The following PLA2G7 variants were observed in gnomAD, a reference collection of about 807,000 sequenced individuals.
The protein encoded by PLA2G7 is phospholipase A2 group VII.
A neutral mutation model predicts 49.6 loss-of-function variants in PLA2G7; 63 were observed. That is an observed-to-expected ratio of 1.27 (90% confidence interval 1.04 to 1.57). The LOEUF (loss-of-function observed/expected upper bound fraction) is 1.57. Ranked by LOEUF, PLA2G7 falls within the 40% of genes most tolerant of loss-of-function variation. The probability of loss-of-function intolerance (pLI) is 0.00; values close to 1 mark genes in which losing one functional copy is unlikely to be tolerated. For synonymous variants in PLA2G7, 193 were observed against 169.9 expected (o/e 1.14, Z -1.06); for missense variants, 596 against 521.2 (o/e 1.14, Z -1.40).
At chr6:46,716,163 C>T (rs1053451994) in intron 4 of PLA2G7, among the ~76,000 whole-genome samples, 1 of 152,218 alleles carries the variant, frequency 6.6e-6, no homozygotes, top group East Asian at 1.9e-4. Context: ...CAGAGTCAGT[C>T]TGATACTCTC....
chr6:46,729,868 C>T (rs1765684494), intron 1 of PLA2G7, among the ~76,000 whole-genome samples: 1 of 152,226 alleles, frequency 6.6e-6, no homozygotes, highest in African/African-American at 2.4e-5. Context: ...AGCTGAAAAC[C>T]ATTGCTCTCA....
rs368946627 is a variant in PLA2G7, at chr6:46,704,441, TTCTCTCTCTCTC to T, written c.*107_*118del. 7.0e-3 allele frequency: 3,841 copies of T among 550,572 alleles called. 14 individuals are homozygous for T. Among genetic ancestry groups the T allele is most frequent in the South Asian group, 0.011 (630 of 58,468 alleles). 34.1% of individuals were successfully genotyped at this position (550,572 alleles called of 1,614,324 possible). On this transcript the variant is annotated 3_prime_UTR_variant, in exon 12 of 12. Coordinates refer to ENST00000274793, the MANE Select transcript of PLA2G7 (RefSeq NM_005084.4). ...AGTCCTTTGGGAAAATACATTAAAATTCTCTCTCTCTCTCTCTCTCTCTCTCTCTCTCTCTCT... is the reference window on the plus strand; with the variant it reads ...AGTCCTTTGGGAAAATACATTAAAATTCTCTCTCTCTCTCTCTCTCTCTCT...
At chr6:46,722,212 T>A (rs1189630786) in intron 2 of PLA2G7, among the ~76,000 whole-genome samples, 3 of 152,216 alleles carry the variant, frequency 2.0e-5, no homozygotes, top group Non-Finnish European at 4.4e-5. Flanking sequence ...GAATGAGTGA[T>A]CACATCCATT....
In PLA2G7 at chr6:46,714,559, CA is replaced by C. The variant is rs1312214786; in HGVS notation, c.377-7del. ...TGCAGGAGTTGTCATTGAACCTAGA[CA>C]ACAATGGAAGGTTATAGTTAAGGTT... On this transcript the variant is annotated splice_polypyrimidine_tract_variant and splice_region_variant and intron_variant, in intron 4 of 11. Coordinates refer to ENST00000274793, the MANE Select transcript of PLA2G7 (RefSeq NM_005084.4). 1 of 1,539,264 alleles carries C rather than the reference CA, an allele frequency of 6.5e-7. No homozygotes were observed. Among genetic ancestry groups the C allele is most frequent in the Non-Finnish European group, 9.0e-7 (1 of 1,112,098 alleles).
At chr6:46,731,283 A>T (rs1231391694) in intron 1 of PLA2G7, among the ~76,000 whole-genome samples, 2 of 152,186 alleles carry the variant, frequency 1.3e-5, no homozygotes, top group East Asian at 3.8e-4. Flanking sequence ...TCTGAGAGAG[A>T]ATGCTTCACT....
intron 1 of PLA2G7, among the ~76,000 whole-genome samples, chr6:46,732,795 G>A (rs1765775897): frequency 6.6e-6 from 1 of 152,178 alleles, no homozygotes; most frequent in African/African-American, 2.4e-5. Context: ...GTGTCTAACA[G>A]GTGGCTGGCG....
intron 1 of PLA2G7, among the ~76,000 whole-genome samples, chr6:46,726,227 A>G (rs983005412): frequency 2.0e-4 from 30 of 152,314 alleles, no homozygotes; most frequent in African/African-American, 6.3e-4. Context: ...TCAGAGAGAA[A>G]GATTCTGCTT....
At chr6:46,708,234 T>C (rs1764897721) in intron 9 of PLA2G7, 73 bp from the exon 10 acceptor site, 1 of 1,152,890 alleles carries the variant, frequency 8.7e-7, no homozygotes, top group Admixed American at 1.7e-5. Context: ...ATCCTAATAA[T>C]GCTAGGATTG....
At position 46,714,523 on chromosome 6, in the gene PLA2G7, G is replaced by T; in HGVS notation, c.407C>A (p.Ser136Tyr). 6.2e-7 allele frequency: 1 copy of T among 1,611,756 alleles called. No homozygotes were observed. The highest frequency in any genetic ancestry group is 8.5e-7 in the Non-Finnish European group (1 of 1,178,096). Reference sequence around the variant, plus strand: ...ATATTTTTCACCAGGCCTCAGAGGGGAATTCCAGTTTGCAGGAGTTGTCAT... The same window carrying T: ...ATATTTTTCACCAGGCCTCAGAGGGTAATTCCAGTTTGCAGGAGTTGTCAT... The part of the protein sequence containing the change: ...GSMTTPANWN[S>Y]PLRPGEKYPL... Residue 136 changes from serine (S) to tyrosine (Y), a missense_variant, in exon 5 of 12, where the codon TCC becomes TAC. Physicochemically the swap from Ser to Tyr is moderately radical, Grantham distance 144. Transcript: ENST00000274793.
intron 1 of PLA2G7, among the ~76,000 whole-genome samples, chr6:46,730,111 A>G (rs1416508378): frequency 1.3e-5 from 2 of 152,244 alleles, no homozygotes; most frequent in African/African-American, 4.8e-5. Flanking sequence ...ATTTTAACAA[A>G]TAAAGGTTCA....
intron 2 of PLA2G7, among the ~76,000 whole-genome samples, chr6:46,718,262 C>G (rs897253027): frequency 6.6e-6 from 1 of 152,216 alleles, no homozygotes; most frequent in Non-Finnish European, 1.5e-5. Context: ...GCCTCCCTAT[C>G]AGCAAGTGTT....
rs142974898 is a variant in PLA2G7 at position 46,722,781 on chromosome 6, A to G, written c.109+2T>C. 5.9e-5 allele frequency: 92 copies of G among 1,561,306 alleles called. No individual in the cohort carries two copies. Among genetic ancestry groups the G allele is most frequent in the Admixed American group, 3.8e-4 (23 of 59,916 alleles). ...AAGACCTTGAACAAATACACCTCTTACCTGATGATTTCATATGGGCAACAG... is the reference window on the plus strand; with the variant it reads ...AAGACCTTGAACAAATACACCTCTTGCCTGATGATTTCATATGGGCAACAG... On this transcript the variant is annotated splice_donor_variant, in intron 2 of 11. Transcript: ENST00000274793. LOFTEE classifies it high-confidence loss of function.
At chr6:46,720,073 T>A (rs1376145517) in intron 2 of PLA2G7, among the ~76,000 whole-genome samples, 1 of 152,224 alleles carries the variant, frequency 6.6e-6, no homozygotes, top group Non-Finnish European at 1.5e-5. Flanking sequence ...TAGGGACACC[T>A]GCTTCTTCTT....
intron 8 of PLA2G7, among the ~76,000 whole-genome samples, chr6:46,709,905 A>G (rs45477092): frequency 1.1e-3 from 163 of 152,280 alleles, no homozygotes; most frequent in African/African-American, 3.9e-3. Flanking sequence ...CCAGTCCAGA[A>G]GTGGGTATTG....
At chr6:46,725,116 C>T (rs893995754) in intron 1 of PLA2G7, among the ~76,000 whole-genome samples, 1 of 152,128 alleles carries the variant, frequency 6.6e-6, no homozygotes, top group African/African-American at 2.4e-5. Context: ...GTTCTGAGAG[C>T]AACAGGAATG....
At chr6:46,706,377 T>C (rs561523990) in intron 10 of PLA2G7, among the ~76,000 whole-genome samples, 2 of 152,244 alleles carry the variant, frequency 1.3e-5, no homozygotes, top group Admixed American at 1.3e-4. Flanking sequence ...TACAAGAGAA[T>C]TGCGAGCAGA....
Position 46,712,317 on chromosome 6 carries a change from C to T in PLA2G7, c.491G>A (p.Gly164Asp). 6.2e-7 allele frequency: 1 copy of T among 1,611,648 alleles called. No homozygotes were observed. The highest frequency in any genetic ancestry group is 8.5e-7 in the Non-Finnish European group (1 of 1,178,046). ...GAFRTLYSAI[G>D]IDLASHGFIV... ...AAACCCATGAGATGCCAGGTCAATG[C>T]CAATAGCAGAATAAAGTGTCCTTCA... is the stretch of plus-strand genomic sequence containing the variant. Residue 164 changes from glycine to aspartate, a missense_variant, in exon 6 of 12, where the codon GGC becomes GAC. Physicochemically the swap from Gly to Asp is moderately conservative, Grantham distance 94 (BLOSUM62 -1). Transcript: ENST00000274793.
intron 1 of PLA2G7, among the ~76,000 whole-genome samples, chr6:46,731,144 G>A (rs1013452995): frequency 5.3e-5 from 8 of 152,184 alleles, no homozygotes; most frequent in Non-Finnish European, 1.0e-4. Context: ...GAGAAATAGA[G>A]TTGCCTTATT....
At chr6:46,711,699 A>T in intron 6 of PLA2G7, 80 bp from the exon 7 acceptor site, 1 of 1,410,414 alleles carries the variant, frequency 7.1e-7, no homozygotes, top group Non-Finnish European at 1.0e-6. Flanking sequence ...TCCATCCTTG[A>T]CTCAACTTCC....
Sources: gnomAD v4.1 joint callset for allele counts (sites outside exome capture counted in the v4.1 genomes callset) on GRCh38, gnomAD v4.1.1 for gene constraint, MANE v1.5 for transcripts, NCBI Gene and HGNC (gene_info 2026-07-23, HGNC 2026-07-21) for gene names.